SLC46A2: variants seen among roughly 807,000 people sequenced by gnomAD.
SLC46A2 encodes thymic stromal co-transporter.
A neutral mutation model predicts 33.1 loss-of-function variants in SLC46A2; 25 were observed. The ratio of observed to expected loss-of-function variants is 0.76; its 90% CI spans 0.55 to 1.06. The LOEUF is 1.06. Among genes scored for constraint, SLC46A2 ranks in the 50% least tolerant of loss-of-function variants. The probability of loss-of-function intolerance (pLI) is 0.00; values close to 1 mark genes in which losing one functional copy is unlikely to be tolerated. For missense variants in SLC46A2, 622 were observed against 621.7 expected, an observed-to-expected ratio of 1.00 and a Z score of 0.00; for synonymous variants, 254 against 275.9, an observed-to-expected ratio of 0.92 and a Z score of 0.79.
intron 3 of SLC46A2, among the ~76,000 whole-genome samples, chr9:112,884,205 G>A (rs1841618130): frequency 6.6e-6 from 1 of 152,216 alleles, no homozygotes; most frequent in East Asian, 1.9e-4. Flanking sequence ...ACAGCCCCCT[G>A]GGATTGCAAA....
intron 3 of SLC46A2, among the ~76,000 whole-genome samples, chr9:112,882,795 A>G (rs1430481723): frequency 6.6e-6 from 1 of 152,154 alleles, no homozygotes; most frequent in African/African-American, 2.4e-5. Flanking sequence ...GGAGGGTATC[A>G]AGAACCCTAT....
intron 1 of SLC46A2, among the ~76,000 whole-genome samples, chr9:112,889,248 C>T (rs1841689226): frequency 6.6e-6 from 1 of 152,170 alleles, no homozygotes; most frequent in Non-Finnish European, 1.5e-5. Context: ...CCAATTCCAT[C>T]TCCTCTGTTG....
In SLC46A2 at chr9:112,890,373, G is replaced by A. The variant is rs749698346; in HGVS notation, c.309C>T (p.Tyr103=). The A allele has an allele frequency of 6.2e-6, 10 of 1,614,016 alleles. No homozygotes were observed. The highest frequency in any genetic ancestry group is 8.5e-6 in the Non-Finnish European group (10 of 1,180,026). The change falls in exon 1 of 4, where the codon TAC becomes TAT. Residue 103 remains tyrosine (Y), a synonymous_variant. Transcript: ENST00000374228. This position sits in a 1 kb window ranked among gnomAD's most constrained non-coding sequence, Gnocchi z 6.0. ...AYGLGWLSDR[Y]HRKISICMSL... is the part of the protein sequence containing the mutation. ...ACATGCAGATGGAGATCTTTCGGTG[G>A]TAGCGGTCGCTGAGCCATCCCAGCC...
At position 112,879,652 on chromosome 9, in the gene SLC46A2, C is replaced by G; in HGVS notation, c.*110G>C. 1 of 983,434 alleles carries G rather than the reference C, an allele frequency of 1.0e-6. No individual in the cohort carries two copies. The highest frequency in any genetic ancestry group is 1.9e-5 in the Admixed American group (1 of 51,442). 60.9% of individuals were successfully genotyped at this position (983,434 alleles called of 1,614,324 possible). A position where few individuals can be genotyped will look rare whatever the true frequency, so the allele number is the denominator to read the frequency against. ...TCTGAGGCCAACTCTGGCTGGAACG[C>G]AGGTTTCTTAAGCAGTGGGTTGCTT... On this transcript the variant is annotated 3_prime_UTR_variant, in exon 4 of 4. Coordinates refer to ENST00000374228, the MANE Select transcript of SLC46A2 (RefSeq NM_033051.4).
chr9:112,881,849 T>C (rs1438134997), intron 3 of SLC46A2, among the ~76,000 whole-genome samples: 2 of 152,174 alleles, frequency 1.3e-5, no homozygotes, highest in Non-Finnish European at 2.9e-5. Context: ...TCTGGGAGCA[T>C]GTAATAGAAG....
In SLC46A2 at chr9:112,879,483, G is replaced by C. The variant is rs2236600; in HGVS notation, c.*279C>G. 0.16 allele frequency: 60,498 copies of C among 371,346 alleles called. 5,469 individuals carry two copies. The highest frequency in any genetic ancestry group is 0.18 in the Non-Finnish European group (36,818 of 199,068). The allele number at this position is 371,346 out of a possible 1,614,324, so 23.0% of individuals were successfully genotyped here. ...GGCCTGGGACTGCTGTGTGCAGCCT[G>C]CCTGTAACCCTTAAGGTCATGCTCT... On this transcript the variant is annotated 3_prime_UTR_variant, in exon 4 of 4. Transcript: ENST00000374228.
intron 3 of SLC46A2, chr9:112,885,645 T>C (rs1841634464): frequency 6.6e-6 from 1 of 152,160 alleles, no homozygotes; most frequent in African/African-American, 2.4e-5. Context: ...AAATACATAC[T>C]GGATTTCAAA....
In SLC46A2 at chr9:112,889,606, C is replaced by G. The variant is rs188435024; in HGVS notation, c.1076G>C (p.Gly359Ala). 8 of 1,614,006 alleles carry G rather than the reference C, an allele frequency of 5.0e-6. No individual in the cohort carries two copies. The East Asian group carries it at 1.8e-4, about 36-fold the overall frequency. ...AAAAGCCAAGAGGAGGGCTCCTGAC[C>G]CAAAGGAGACCATCCCAATCATGAT... ...TMIMIGMVSF[G>A]SGALLLAFVK... Residue 359 changes from glycine to alanine, a missense_variant, in exon 1 of 4, where the codon GGG becomes GCG. Coordinates refer to ENST00000374228, the MANE Select transcript of SLC46A2 (RefSeq NM_033051.4).
chr9:112,885,083 C>T (rs1367149331), intron 3 of SLC46A2: 1 of 152,272 alleles, frequency 6.6e-6, no homozygotes, highest in South Asian at 2.1e-4. Flanking sequence ...AGGAATGAGA[C>T]CTGGTCATGC....
chr9:112,881,054 G>A (rs182046124), intron 3 of SLC46A2, among the ~76,000 whole-genome samples: 14 of 152,308 alleles, frequency 9.2e-5, no homozygotes, highest in African/African-American at 2.9e-4. Flanking sequence ...AGAATTAGCT[G>A]CCTCATCGTC....
At chr9:112,880,148 TG>T (rs1278702162) in intron 3 of SLC46A2, 3 of 195,954 alleles carry the variant, frequency 1.5e-5, no homozygotes, top group Non-Finnish European at 3.1e-5. Flanking sequence ...CTGGCCAACC[TG>T]GTGAAACCCC....
chr9:112,886,012 C>T (rs1039458619), intron 3 of SLC46A2, among the ~76,000 whole-genome samples: 3 of 152,192 alleles, frequency 2.0e-5, no homozygotes, highest in Non-Finnish European at 4.4e-5. Context: ...TCACACAGTC[C>T]AGCGGCTGGG....
In SLC46A2 at chr9:112,883,396, C is replaced by T. The variant is rs550088998; in HGVS notation, c.1370+3064G>A. On this transcript the variant is annotated intron_variant, in intron 3 of 3. Coordinates refer to ENST00000374228, the MANE Select transcript of SLC46A2 (RefSeq NM_033051.4). ...AAGACAGTCTGGCTTCCTTCAAATC[C>T]TGTCTCTGCCACTTCCTAGCTGTGT... Among the ~76,000 whole-genome samples the T allele has an allele frequency of 5.9e-5, 9 of 152,206 alleles. No homozygotes were observed. In the South Asian group the frequency reaches 1.0e-3, roughly 18 times the overall value.
At chr9:112,887,942 TGTGTGAGAGA>T (rs1212555594) in intron 1 of SLC46A2, among the ~76,000 whole-genome samples, 6 of 144,090 alleles carry the variant, frequency 4.2e-5, no homozygotes, top group African/African-American at 1.6e-4. Flanking sequence ...TGTGTGTGTG[TGTGTGAGAGA>T]GAGAGAGAGA....
At position 112,887,363 on chromosome 9, in the gene SLC46A2, C is replaced by T. The variant is rs1476349568; in HGVS notation, c.1180G>A (p.Ala394Thr). The T allele has an allele frequency of 1.2e-6, 2 of 1,612,358 alleles. No homozygotes were observed. Among genetic ancestry groups the T allele is most frequent in the Non-Finnish European group, 1.7e-6 (2 of 1,179,364 alleles). ...ALIPVTTIRS[A>T]MSKLIKGSSY... ...GAGCCCTTTATGAGTTTGGACATAG[C>T]TGATCGGATGGTTGTGACGGGGATG... The change falls in exon 2 of 4, where the codon GCT becomes ACT. Residue 394 changes from alanine to threonine, a missense_variant. Physicochemically the swap from Ala to Thr is moderately conservative, Grantham distance 58. Transcript: ENST00000374228.
At chr9:112,884,875 T>C (rs1841624211) in intron 3 of SLC46A2, among the ~76,000 whole-genome samples, 1 of 152,226 alleles carries the variant, frequency 6.6e-6, no homozygotes, top group Non-Finnish European at 1.5e-5. Flanking sequence ...CCAATAAAAT[T>C]GGACTGGATA....
chr9:112,882,387 G>A (rs1331473776), intron 3 of SLC46A2, among the ~76,000 whole-genome samples: 3 of 152,172 alleles, frequency 2.0e-5, no homozygotes, highest in African/African-American at 7.2e-5. Flanking sequence ...GATTACAGGT[G>A]TGAGCCACTG....
At chr9:112,886,728 C>T in intron 2 of SLC46A2, 112 bp from the exon 3 acceptor site, 1 of 1,117,770 alleles carries the variant, frequency 8.9e-7, no homozygotes, top group Non-Finnish European at 1.3e-6. Context: ...CTCTCTCTCT[C>T]TCTCTCTTTT....
chr9:112,888,986 G>A (rs779261086), intron 1 of SLC46A2, among the ~76,000 whole-genome samples: 1 of 151,796 alleles, frequency 6.6e-6, no homozygotes. Context: ...TGCCTCTTGG[G>A]TTCAAGTGAT....
Sources: gnomAD v4.1 joint callset for allele counts (sites outside exome capture counted in the v4.1 genomes callset) on GRCh38, gnomAD v4.1.1 for gene constraint, Gnocchi (gnomAD v3.1) non-coding constraint, MANE v1.5 for transcripts, NCBI Gene and HGNC (gene_info 2026-07-23, HGNC 2026-07-21) for gene names.